The following GBF1 variants were observed in gnomAD, a reference collection of about 807,000 sequenced individuals.
GBF1 encodes the protein Golgi-specific brefeldin A-resistance guanine nucleotide exchange factor 1.
Under a neutral mutation model 210.5 loss-of-function variants are expected in GBF1, and 114 were observed. The ratio of observed to expected loss-of-function variants is 0.54; its 90% CI spans 0.47 to 0.63. The LOEUF is 0.63. Ranked by LOEUF, GBF1 falls within the 30% of genes least tolerant of loss-of-function variation. The pLI, the probability that GBF1 is intolerant of heterozygous loss-of-function variation, is 0.00. For missense variants in GBF1, 1,851 were observed against 2,357.7 expected (o/e 0.79, Z 4.45); for synonymous variants, 850 against 889.2 (o/e 0.96, Z 0.78).
At chr10:102,307,134 C>T (rs1477287490) in intron 3 of GBF1, among the ~76,000 whole-genome samples, 1 of 152,036 alleles carries the variant, frequency 6.6e-6, no homozygotes, top group African/African-American at 2.4e-5. Flanking sequence ...GCTGTAGAGG[C>T]TTTCATCCCA....
chr10:102,376,822 C>T (rs1409776109), intron 32 of GBF1, 22 bp downstream of exon 32: 16 of 1,608,604 alleles, frequency 9.9e-6, no homozygotes, highest in African/African-American at 9.3e-5. Context: ...GATGAGGGGG[C>T]AGCTGGGGAG....
chr10:102,256,041 C>T (rs1430317979), intron 1 of GBF1, among the ~76,000 whole-genome samples: 1 of 152,102 alleles, frequency 6.6e-6, no homozygotes, highest in Non-Finnish European at 1.5e-5. Context: ...AATCTACCGG[C>T]CTCAAGCAAT....
intron 23 of GBF1, 109 bp downstream of exon 23, chr10:102,368,941 C>T: frequency 1.4e-6 from 1 of 738,296 alleles, no homozygotes; most frequent in South Asian, 1.6e-5. Flanking sequence ...TCTTCCCTCA[C>T]TGCCCCCACT....
rs1479098130 is a variant in GBF1, at chr10:102,353,622, C to A, written c.607C>A (p.Pro203Thr). The part of the protein sequence containing the change: ...FTRLPQFKEE[P>T]KNYVGTNMKK... Reference sequence around the variant, plus strand: ...TAGGTTACCTCAGTTTAAAGAAGAACCCAAGAACTATGTGGGGACCAACAT... The same window carrying A: ...TAGGTTACCTCAGTTTAAAGAAGAAACCAAGAACTATGTGGGGACCAACAT... Residue 203 changes from proline (P) to threonine (T), a missense_variant, in exon 8 of 40, where the codon CCC becomes ACC. Around this residue, in one of 3 missense-constraint regions of GBF1, gnomAD observed 804 missense variants for 958.6 expected, o/e 0.84. Coordinates refer to ENST00000369983, the MANE Select transcript of GBF1 (RefSeq NM_001377137.1). 1.2e-6 allele frequency: 2 copies of A among 1,608,676 alleles called. No individual in the cohort carries two copies. The highest frequency in any genetic ancestry group is 3.3e-5 in the Admixed American group (2 of 59,970).
chr10:102,235,735 C>A, the GBF1 span, among the ~76,000 whole-genome samples: 2 of 152,320 alleles, frequency 1.3e-5, no homozygotes, highest in East Asian at 3.9e-4. Context: ...TGTGTCTGCC[C>A]TTCCTTGAGT....
intron 3 of GBF1, among the ~76,000 whole-genome samples, chr10:102,293,771 G>GTTTTTTTTTTTTTCTTTT (rs2076660163): frequency 1.3e-4 from 3 of 22,906 alleles, no homozygotes; most frequent in African/African-American, 6.5e-4. Context: ...TATGTTTTGT[G>GTTTTTTTTTTTTTCTTTT]TTTTTTTTTT....
intron 20 of GBF1, 23 bp from the exon 21 acceptor site, chr10:102,367,455 A>G (rs2059976153): frequency 1.3e-6 from 2 of 1,536,464 alleles, no homozygotes; most frequent in Non-Finnish European, 1.8e-6. Context: ...ACAAGGGGAA[A>G]AAACTTACTG....
At chr10:102,270,106 C>T (rs2074254574) in intron 3 of GBF1, among the ~76,000 whole-genome samples, 1 of 151,980 alleles carries the variant, frequency 6.6e-6, no homozygotes, top group Non-Finnish European at 1.5e-5. Flanking sequence ...TCTTGATCTC[C>T]TGACCTCATG....
At chr10:102,367,064 G>T (rs1182583387) in intron 19 of GBF1, 21 bp from the exon 20 acceptor site, 1 of 1,613,488 alleles carries the variant, frequency 6.2e-7, no homozygotes, top group Non-Finnish European at 8.5e-7. Context: ...ATTGACACAG[G>T]CGGGATCTTT....
At chr10:102,380,820 C>A in intron 38 of GBF1, 134 bp downstream of exon 38, 1 of 781,112 alleles carries the variant, frequency 1.3e-6, no homozygotes, top group Non-Finnish European at 2.1e-6. Flanking sequence ...CCAGCCTGAC[C>A]AACATAGTGA....
intron 1 of GBF1, among the ~76,000 whole-genome samples, chr10:102,246,313 A>G (rs1190077073): frequency 1.3e-5 from 2 of 152,216 alleles, no homozygotes; most frequent in Non-Finnish European, 2.9e-5. Flanking sequence ...GCTTGAGGTT[A>G]TAGCAGCGCA....
intron 23 of GBF1, 80 bp downstream of exon 23, chr10:102,368,912 G>T: frequency 1.0e-6 from 1 of 990,806 alleles, no homozygotes; most frequent in South Asian, 1.4e-5. Context: ...CTTATCAACA[G>T]ACCTGGTTGC....
At chr10:102,350,595 A>T (rs2058888411) in intron 4 of GBF1, among the ~76,000 whole-genome samples, 1 of 152,106 alleles carries the variant, frequency 6.6e-6, no homozygotes, top group South Asian at 2.1e-4. Context: ...CGTCTATGAA[A>T]TTAGTAGATT....
At chr10:102,259,694 G>A (rs2072939978) in intron 2 of GBF1, among the ~76,000 whole-genome samples, 1 of 152,134 alleles carries the variant, frequency 6.6e-6, no homozygotes, top group South Asian at 2.1e-4. Context: ...AGTGAGCATG[G>A]CATCAGGAAT....
chr10:102,276,560 A>T (rs2074997821), intron 3 of GBF1, among the ~76,000 whole-genome samples: 1 of 151,096 alleles, frequency 6.6e-6, no homozygotes, highest in African/African-American at 2.4e-5. Context: ...TCTGTTGCCA[A>T]GGTTCTATAA....
Position 102,362,580 on chromosome 10 carries a change from C to T in GBF1, c.1792C>T (p.Leu598Phe), listed in dbSNP as rs746490881. The change falls in exon 15 of 40, where the codon CTC becomes TTC. Residue 598 changes from leucine to phenylalanine, a missense_variant. Physicochemically the swap from Leu to Phe is conservative, Grantham distance 22 (BLOSUM62 0). Coordinates refer to ENST00000369983, the MANE Select transcript of GBF1 (RefSeq NM_001377137.1). Reference sequence around the variant, plus strand: ...CGAGGCCCACTGCCAGGCTAAAGTCCTCAACAGCCTCACCCAGCAAGAGAA... The same window carrying T: ...CGAGGCCCACTGCCAGGCTAAAGTCTTCAACAGCCTCACCCAGCAAGAGAA... ...STEAHCQAKV[L>F]NSLTQQEKKE... 2 of 1,614,138 alleles carry T rather than the reference C, an allele frequency of 1.2e-6. No individual in the cohort carries two copies. The highest frequency in any genetic ancestry group is 2.2e-5 in the East Asian group (1 of 44,884).
chr10:102,331,159 A>T (rs772164035), intron 3 of GBF1, among the ~76,000 whole-genome samples: 1 of 152,072 alleles, frequency 6.6e-6, no homozygotes, highest in Non-Finnish European at 1.5e-5. Context: ...TGCTATAGGG[A>T]TGGAGATGGG....
At position 102,381,253 on chromosome 10, in the gene GBF1, G is replaced by C; in HGVS notation, c.5300G>C (p.Cys1767Ser). 1.2e-6 allele frequency: 2 copies of C among 1,613,712 alleles called. No individual in the cohort carries two copies. The highest frequency in any genetic ancestry group is 1.7e-6 in the Non-Finnish European group (2 of 1,179,946). Residue 1767 changes from cysteine (C) to serine (S), a missense_variant and splice_region_variant, in exon 39 of 40, where the codon TGT becomes TCT. By Grantham distance (112) the Cys-to-Ser change is moderately radical (BLOSUM62 -1). Around this residue, in one of 3 missense-constraint regions of GBF1, gnomAD observed 967 missense variants for 1,247.7 expected, o/e 0.78. Coordinates refer to ENST00000369983, the MANE Select transcript of GBF1 (RefSeq NM_001377137.1). ...GAGATTCCATCTGAGCTGGGGGCCT[G>C]TGGTGAGTCTCTCTAGCCTAGCCTG... ...PPEIPSELGA[C>S]DFEKPESPRA...
chr10:102,349,872 G>A (rs181212282), intron 4 of GBF1, among the ~76,000 whole-genome samples: 3 of 152,148 alleles, frequency 2.0e-5, no homozygotes, highest in East Asian at 1.9e-4. Flanking sequence ...GCGTGGTGCC[G>A]GTTGTCTGAC....
Sources: allele counts gnomAD v4.1 joint callset (sites outside exome capture counted in the v4.1 genomes callset), GRCh38; gene constraint gnomAD v4.1.1; regional missense constraint gnomAD v4.1.1; transcripts MANE v1.5; gene names NCBI Gene and HGNC (gene_info 2026-07-23, HGNC 2026-07-21).